The following OSBPL10 variants were observed in gnomAD, a reference collection of about 807,000 sequenced individuals.
OSBPL10 encodes the protein oxysterol binding protein like 10.
In OSBPL10, 49 loss-of-function variants were observed where a neutral mutation model predicts 81.7. The observed-to-expected ratio is 0.60, with a 90% confidence interval of 0.48 to 0.76. OSBPL10 has a LOEUF of 0.76. OSBPL10 is among the 30% of genes least tolerant of loss of function. OSBPL10 has a pLI of 0.00. For synonymous variants in OSBPL10, 419 were observed against 383.6 expected (o/e 1.09, Z -1.08); for missense variants, 923 against 987.8 (o/e 0.93, Z 0.88).
intron 1 of OSBPL10, among the ~76,000 whole-genome samples, chr3:31,960,903 A>G (rs1023800903): frequency 5.3e-5 from 8 of 152,178 alleles, no homozygotes; most frequent in African/African-American, 1.9e-4. Context: ...AATAGATTAC[A>G]AGGTCTAAAA....
chr3:31,908,541 G>A (rs1179789942), intron 1 of OSBPL10, among the ~76,000 whole-genome samples: 2 of 152,194 alleles, frequency 1.3e-5, no homozygotes, highest in African/African-American at 4.8e-5. Context: ...GCCAGCCCAG[G>A]ACAATGGTGC....
At chr3:31,912,440 G>A (rs531591579) in intron 1 of OSBPL10, among the ~76,000 whole-genome samples, 8 of 151,798 alleles carry the variant, frequency 5.3e-5, no homozygotes, top group African/African-American at 1.9e-4. Context: ...TCACGGGGTC[G>A]GGGGGCGGAC....
chr3:31,989,577 C>G (rs1559544047), intron 2 of OSBPL10: 1 of 1,614,196 alleles, frequency 6.2e-7, no homozygotes, highest in Non-Finnish European at 8.5e-7. Flanking sequence ...TTCCTGAACT[C>G]CACATATTTC....
chr3:31,883,536 TTTG>T (rs1559504269), intron 1 of OSBPL10, among the ~76,000 whole-genome samples: 1 of 115,712 alleles, frequency 8.6e-6, no homozygotes, highest in Non-Finnish European at 1.7e-5. Context: ...CTGTTTTTTT[TTTG>T]TTGTTTTTTT....
intron 6 of OSBPL10, among the ~76,000 whole-genome samples, chr3:31,731,511 T>C (rs1256586846): frequency 2.0e-5 from 3 of 150,820 alleles, no homozygotes; most frequent in Admixed American, 1.3e-4. Context: ...TTTCTTGAGA[T>C]GGTGTCTCGT....
chr3:32,040,790 T>A (rs1003971248), intron 2 of OSBPL10, among the ~76,000 whole-genome samples: 6 of 152,176 alleles, frequency 3.9e-5, no homozygotes, highest in African/African-American at 1.4e-4. Context: ...TGAGCTATAA[T>A]GGTGCCACTG....
intron 3 of OSBPL10, among the ~76,000 whole-genome samples, chr3:31,844,744 A>T (rs1441654509): frequency 6.6e-6 from 1 of 152,192 alleles, no homozygotes; most frequent in Non-Finnish European, 1.5e-5. Flanking sequence ...CAACATAACG[A>T]ATGTACTAAA....
chr3:32,023,365 G>A (rs746851025), intron 2 of OSBPL10, among the ~76,000 whole-genome samples: 3 of 152,234 alleles, frequency 2.0e-5, no homozygotes, highest in South Asian at 2.1e-4. Context: ...TAAGATGTCC[G>A]TGTGCTCTTC....
intron 8 of OSBPL10, 117 bp from the exon 9 acceptor site, chr3:31,671,100 C>A: frequency 1.0e-6 from 1 of 1,002,684 alleles, no homozygotes; most frequent in Non-Finnish European, 1.4e-6. Context: ...ACATCTCCCA[C>A]CTCTGCAGAG....
At chr3:31,799,135 C>G (rs1232837461) in intron 4 of OSBPL10, among the ~76,000 whole-genome samples, 1 of 152,084 alleles carries the variant, frequency 6.6e-6, no homozygotes, top group South Asian at 2.1e-4. Context: ...ACACATAAGA[C>G]CCTTCCAGAA....
intron 5 of OSBPL10, among the ~76,000 whole-genome samples, chr3:31,744,787 A>G (rs940714165): frequency 3.8e-4 from 15 of 39,118 alleles, no homozygotes; most frequent in Non-Finnish European, 6.0e-4. Context: ...GAAAATTAGG[A>G]AAAAAAAAAA....
At chr3:31,816,522 A>C (rs1057347454) in intron 4 of OSBPL10, among the ~76,000 whole-genome samples, 2 of 152,174 alleles carry the variant, frequency 1.3e-5, no homozygotes, top group Admixed American at 1.3e-4. Context: ...TGTGATGGGT[A>C]ATTTCATGTG....
intron 7 of OSBPL10, among the ~76,000 whole-genome samples, chr3:31,697,334 C>G (rs903077854): frequency 2.0e-5 from 3 of 152,104 alleles, no homozygotes; most frequent in Admixed American, 2.0e-4. Flanking sequence ...GCAAGACCAG[C>G]AGAAGAGCTG....
intron 3 of OSBPL10, among the ~76,000 whole-genome samples, chr3:31,854,230 C>T (rs1700848741): frequency 6.6e-6 from 1 of 151,818 alleles, no homozygotes; most frequent in African/African-American, 2.4e-5. Context: ...CCAAACTGAC[C>T]CCAGTGGTGG....
At chr3:31,829,378 G>A (rs1013603523) in intron 4 of OSBPL10, among the ~76,000 whole-genome samples, 1 of 152,174 alleles carries the variant, frequency 6.6e-6, no homozygotes, top group Non-Finnish European at 1.5e-5. Flanking sequence ...CATCAAAAGC[G>A]AAATTTAAAC....
chr3:31,879,645 A>G lies in OSBPL10; in HGVS notation c.457+10T>C, dbSNP rs757414368. The G allele has an allele frequency of 3.1e-6, 5 of 1,601,570 alleles. No homozygotes were observed. In the South Asian group the frequency reaches 5.6e-5, roughly 18 times the overall value. On this transcript the variant is annotated intron_variant, in intron 2 of 11. Coordinates refer to ENST00000396556, the MANE Select transcript of OSBPL10 (RefSeq NM_017784.5). ...GGCCTGTCTGAAAAGTTACTGGGAG[A>G]AGAACGCACCTCTCAGTTTAAACAT... is the stretch of plus-strand genomic sequence containing the variant.
chr3:31,838,473 G>A (rs372792997), intron 3 of OSBPL10, among the ~76,000 whole-genome samples: 5 of 143,152 alleles, frequency 3.5e-5, no homozygotes, highest in East Asian at 2.1e-4. Flanking sequence ...ATCACGAGAC[G>A]GCACTCCAGC....
chr3:31,769,445 CA>C (rs1213069221), intron 4 of OSBPL10, among the ~76,000 whole-genome samples: 743 of 10,824 alleles, frequency 0.069, 154 homozygotes, highest in African/African-American at 0.12. Flanking sequence ...AACTCCATCT[CA>C]AAAAAAAAAA....
chr3:31,742,141 TA>T (rs1310635114), intron 5 of OSBPL10, among the ~76,000 whole-genome samples: 2 of 152,166 alleles, frequency 1.3e-5, no homozygotes, highest in Non-Finnish European at 2.9e-5. Flanking sequence ...CCAAAAGCAG[TA>T]GGTGTCAGGA....
Sources: gnomAD v4.1 joint callset for allele counts (sites outside exome capture counted in the v4.1 genomes callset) on GRCh38, gnomAD v4.1.1 for gene constraint, MANE v1.5 for transcripts, NCBI Gene and HGNC (gene_info 2026-07-23, HGNC 2026-07-21) for gene names.